Variants in BCAS3 observed in about 807,000 individuals in gnomAD.
BCAS3 encodes BCAS4/BCAS3 fusion.
Under a neutral mutation model 116.1 loss-of-function variants are expected in BCAS3, and 53 were observed. The observed-to-expected ratio is 0.46, with a 90% CI of 0.37 to 0.57. The LOEUF (loss-of-function observed/expected upper bound fraction) is 0.57, where lower values mean the gene tolerates loss of function less well. BCAS3 is among the 20% of genes least tolerant of loss of function. The pLI is 0.00. For missense variants in BCAS3, 917 were observed against 1,165.4 expected (o/e 0.79, Z 3.10); for synonymous variants, 391 against 408.2 (o/e 0.96, Z 0.51).
chr17:61,109,929 A>C (rs1243979620), intron 22 of BCAS3, among the ~76,000 whole-genome samples: 2 of 152,164 alleles, frequency 1.3e-5, no homozygotes, highest in Non-Finnish European at 2.9e-5. Flanking sequence ...TGCTGTGCAG[A>C]AGCTTTTTAG....
intron 8 of BCAS3, among the ~76,000 whole-genome samples, chr17:60,870,638 A>G (rs1202567277): frequency 6.6e-6 from 1 of 152,240 alleles, no homozygotes; most frequent in Non-Finnish European, 1.5e-5. Flanking sequence ...AGTAATTTAT[A>G]AAGTCTGATG....
intron 6 of BCAS3, chr17:60,748,992 G>A (rs533978935): frequency 1.3e-5 from 2 of 152,208 alleles, no homozygotes; most frequent in Non-Finnish European, 2.9e-5. Context: ...AGAACAAGGA[G>A]TTCCATCAGT....
At chr17:60,901,045 C>T (rs142989341) in intron 10 of BCAS3, among the ~76,000 whole-genome samples, 1 of 151,732 alleles carries the variant, frequency 6.6e-6, no homozygotes, top group Non-Finnish European at 1.5e-5. Context: ...CTCGTCTCTA[C>T]TAAAAATAAA....
chr17:60,971,308 G>T (rs966307002), intron 14 of BCAS3, among the ~76,000 whole-genome samples: 1 of 152,160 alleles, frequency 6.6e-6, no homozygotes, highest in Non-Finnish European at 1.5e-5. Context: ...GAATTAGGAG[G>T]CGGCGAACTT....
intron 4 of BCAS3, 72 bp from the exon 5 acceptor site, chr17:60,709,147 G>T: frequency 1.3e-6 from 1 of 742,340 alleles, no homozygotes; most frequent in Admixed American, 2.2e-5. Context: ...AGGCATTAAA[G>T]AAATACAGTT....
chr17:60,992,409 A>G (rs1234286847), intron 15 of BCAS3, among the ~76,000 whole-genome samples: 1 of 152,204 alleles, frequency 6.6e-6, no homozygotes, highest in Non-Finnish European at 1.5e-5. Context: ...CTAGTGACCC[A>G]TGATATTTAA....
At chr17:61,058,391 G>A (rs1045138707) in intron 19 of BCAS3, among the ~76,000 whole-genome samples, 4 of 152,130 alleles carry the variant, frequency 2.6e-5, no homozygotes, top group African/African-American at 7.2e-5. Flanking sequence ...AAGAACATCT[G>A]TAACAACCCT....
rs11289824 is a variant in BCAS3 at position 61,214,529 on chromosome 17, CAA to C, written c.2425+129976_2425+129977del. On this transcript the variant is annotated intron_variant, in intron 22 of 23. Transcript: ENST00000407086. The surrounding 1 kb of genome is among the most constrained non-coding windows in gnomAD (Gnocchi z 4.4). ...GAAACCCCGTCTCTACTAAAAATAC[CAA>C]AAAAAAAAAATTAGCTGGGCGTGGC... 3.5e-4 allele frequency among the ~76,000 whole-genome samples: 51 copies of C among 147,732 alleles called. No homozygotes were observed. The highest frequency in any genetic ancestry group is 3.6e-4 in the Non-Finnish European group (24 of 66,848).
rs1328316659 is a variant in BCAS3 at position 61,276,690 on chromosome 17, C to G, written c.2426-91637C>G. ...TCTATCAAATAAGCTGACTTATTTG[C>G]AGAAATTGACAAGCTGATCCTAAAA... is the stretch of plus-strand genomic sequence containing the variant. On this transcript the variant is annotated intron_variant, in intron 22 of 23. Transcript: ENST00000407086. This position sits in a 1 kb window ranked among gnomAD's most constrained non-coding sequence, Gnocchi z 4.2. 6.6e-6 allele frequency among the ~76,000 whole-genome samples: 1 copy of G among 152,094 alleles called. No individual in the cohort carries two copies. Among genetic ancestry groups the G allele is most frequent in the South Asian group, 2.1e-4 (1 of 4,824 alleles).
At chr17:61,059,006 C>T (rs2143277961) in intron 19 of BCAS3, among the ~76,000 whole-genome samples, 1 of 140,940 alleles carries the variant, frequency 7.1e-6, no homozygotes, top group Non-Finnish European at 1.5e-5. Context: ...GTCTCTGCTA[C>T]TTGCTATCTG....
At position 60,990,683 on chromosome 17, in the gene BCAS3, G is replaced by A. The variant is rs1026766599; in HGVS notation, c.1486+448G>A. Among the ~76,000 whole-genome samples, 7 of 149,986 alleles carry A rather than the reference G, an allele frequency of 4.7e-5. No homozygotes were observed. Among genetic ancestry groups the A allele is most frequent in the African/African-American group, 1.7e-4 (7 of 40,588 alleles). ...TTTTTTTGAGACGGAGTCTTGCACT[G>A]TAGCCTGGGCTGGCATGCAATGGCG... On this transcript the variant is annotated intron_variant, in intron 15 of 23. Transcript: ENST00000407086. This position sits in a 1 kb window ranked among gnomAD's most constrained non-coding sequence, Gnocchi z 5.1.
intron 14 of BCAS3, among the ~76,000 whole-genome samples, chr17:60,989,494 T>A (rs80054930): frequency 3.3e-5 from 5 of 149,880 alleles, no homozygotes; most frequent in African/African-American, 1.3e-4. Context: ...TTTTTTTTTT[T>A]AACATAACTG....
chr17:60,825,431 G>A (rs2050299169), intron 7 of BCAS3, among the ~76,000 whole-genome samples: 1 of 150,266 alleles, frequency 6.7e-6, no homozygotes, highest in South Asian at 2.1e-4. Context: ...TTGTGTCAGA[G>A]TATGCTGGTG....
intron 22 of BCAS3, among the ~76,000 whole-genome samples, chr17:61,160,277 C>CT (rs2078093452): frequency 6.7e-6 from 1 of 148,934 alleles, no homozygotes; most frequent in South Asian, 2.1e-4. Context: ...TAAAAATAGT[C>CT]TGAGTTAATT....
chr17:61,085,131 C>T (rs2072977486), intron 22 of BCAS3, among the ~76,000 whole-genome samples: 1 of 152,126 alleles, frequency 6.6e-6, no homozygotes, highest in South Asian at 2.1e-4. Flanking sequence ...TATAGGTGAT[C>T]GTTGCTCCAT....
At position 61,343,266 on chromosome 17, in the gene BCAS3, G is replaced by A. The variant is rs1296130133; in HGVS notation, c.2426-25061G>A. On this transcript the variant is annotated intron_variant, in intron 22 of 23. Transcript: ENST00000407086. This position sits in a 1 kb window ranked among gnomAD's most constrained non-coding sequence, Gnocchi z 5.5. ...ACGTTTCTAAAGGTGCCATGTGGAG[G>A]AGCAGAACAAGCCCTTCAATTGTGC... Among the ~76,000 whole-genome samples the A allele has an allele frequency of 6.6e-6, 1 of 152,226 alleles. No homozygotes were observed.
intron 7 of BCAS3, among the ~76,000 whole-genome samples, chr17:60,837,095 A>G (rs2051432475): frequency 6.6e-6 from 1 of 152,176 alleles, no homozygotes; most frequent in African/African-American, 2.4e-5. Flanking sequence ...CTGCATTGTC[A>G]AATGATTGCA....
Position 61,128,363 on chromosome 17 carries a change from T to G in BCAS3, c.2425+43799T>G, listed in dbSNP as rs1314820463. 6.1e-6 allele frequency: 6 copies of G among 985,284 alleles called. No homozygotes were observed. In the African/African-American group the frequency reaches 7.0e-5, roughly 11 times the overall value. The allele number at this position is 985,284 out of a possible 1,614,324, so 61.0% of individuals were successfully genotyped here. ...TCCAGTTCCTTTCTTATTTGTTTGA[T>G]GTACAGGCTTATTTAAGTGAAAGGT... On this transcript the variant is annotated intron_variant, in intron 22 of 23. Coordinates refer to ENST00000407086, the MANE Select transcript of BCAS3 (RefSeq NM_017679.5). The surrounding 1 kb of genome is among the most constrained non-coding windows in gnomAD (Gnocchi z 4.1).
At chr17:61,296,177 C>T (rs543384791) in intron 22 of BCAS3, among the ~76,000 whole-genome samples, 1 of 152,352 alleles carries the variant, frequency 6.6e-6, no homozygotes, top group African/African-American at 2.4e-5. Flanking sequence ...AGACAGATGT[C>T]TGTTTCCATA....
Sources: allele counts gnomAD v4.1 joint callset (sites outside exome capture counted in the v4.1 genomes callset), GRCh38; gene constraint gnomAD v4.1.1; non-coding constraint Gnocchi (gnomAD v3.1); transcripts MANE v1.5; gene names NCBI Gene and HGNC (gene_info 2026-07-23, HGNC 2026-07-21).